The following STK4 variants were observed in gnomAD, a reference collection of about 807,000 sequenced individuals.
The protein encoded by STK4 is serine/threonine kinase 4.
STK4 carries 30 observed loss-of-function variants against 64.9 expected under a neutral mutation model. That is an observed-to-expected ratio of 0.46 (90% confidence interval 0.35 to 0.63). The LOEUF (loss-of-function observed/expected upper bound fraction) is 0.63. Ranked by LOEUF, STK4 falls within the 20% of genes least tolerant of loss-of-function variation. The pLI is 0.01. For missense variants in STK4, 466 were observed against 598.5 expected, an observed-to-expected ratio of 0.78 and a Z score of 2.31; for synonymous variants, 177 against 199.0, an observed-to-expected ratio of 0.89 and a Z score of 0.93.
intron 5 of STK4, among the ~76,000 whole-genome samples, chr20:44,990,838 T>C (rs754757907): frequency 3.3e-5 from 5 of 152,148 alleles, no homozygotes; most frequent in Non-Finnish European, 7.4e-5. Flanking sequence ...CCAGGCTTCC[T>C]ATTTGGATGT....
intron 10 of STK4, among the ~76,000 whole-genome samples, chr20:45,058,726 C>T (rs1978718109): frequency 6.6e-6 from 1 of 152,120 alleles, no homozygotes; most frequent in Non-Finnish European, 1.5e-5. Context: ...AGCTCTTTTC[C>T]TGAATTATTA....
At chr20:45,026,394 TAAG>T (rs1225449993) in intron 10 of STK4, among the ~76,000 whole-genome samples, 2 of 151,250 alleles carry the variant, frequency 1.3e-5, no homozygotes, top group South Asian at 2.1e-4. Flanking sequence ...TTCTCACTGG[TAAG>T]AAGATGAGGA....
chr20:45,024,370 T>A (rs2068306450), intron 9 of STK4, among the ~76,000 whole-genome samples: 3 of 152,022 alleles, frequency 2.0e-5, no homozygotes, highest in Admixed American at 2.0e-4. Flanking sequence ...TAATACTGTA[T>A]CCTATTTTTT....
intron 4 of STK4, among the ~76,000 whole-genome samples, chr20:44,984,484 G>A (rs1322846643): frequency 6.6e-6 from 1 of 152,082 alleles, no homozygotes; most frequent in Non-Finnish European, 1.5e-5. Context: ...TTACAGGCGT[G>A]AGCCACCGTT....
Position 44,966,611 on chromosome 20 carries a change from G to A in STK4, c.35+8G>A, listed in dbSNP as rs756662308. The A allele has an allele frequency of 1.6e-5, 21 of 1,274,308 alleles. No individual in the cohort carries two copies. Among genetic ancestry groups the A allele is most frequent in the South Asian group, 3.1e-5 (1 of 32,342 alleles). The allele number at this position is 1,274,308 out of a possible 1,614,324, so 78.9% of individuals were successfully genotyped here. ...GAGGAACCCGCCGCGCCGGTGAGGG[G>A]CCACTGGCTAAGAGGACGGGCATGG... On this transcript the variant is annotated splice_region_variant and intron_variant, in intron 1 of 10. Transcript: ENST00000372806.
At chr20:45,061,319 A>G (rs993155554) in intron 10 of STK4, among the ~76,000 whole-genome samples, 10 of 152,302 alleles carry the variant, frequency 6.6e-5, no homozygotes, top group African/African-American at 1.9e-4. Context: ...TTTGCTTTCC[A>G]TGGCTTCAGT....
At chr20:44,999,156 A>T (rs1036063661) in intron 7 of STK4, among the ~76,000 whole-genome samples, 2 of 152,172 alleles carry the variant, frequency 1.3e-5, no homozygotes, top group Non-Finnish European at 2.9e-5. Flanking sequence ...CACTAGCATG[A>T]AACTGATGTT....
chr20:45,011,729 A>ATATATATATATATATATATTTT (rs60170856), intron 9 of STK4, among the ~76,000 whole-genome samples: 24 of 115,376 alleles, frequency 2.1e-4, no homozygotes, highest in African/African-American at 8.4e-4. Context: ...ATATATATAT[A>ATATATATATATATATATATTTT]TTTTTTTTTT....
At chr20:45,009,364 C>G (rs961954261) in intron 9 of STK4, among the ~76,000 whole-genome samples, 1 of 152,108 alleles carries the variant, frequency 6.6e-6, no homozygotes, top group Non-Finnish European at 1.5e-5. Context: ...AGGTTTATTT[C>G]TGAGTTTCCT....
At chr20:44,996,534 T>C (rs533016491) in intron 6 of STK4, among the ~76,000 whole-genome samples, 35 of 152,354 alleles carry the variant, frequency 2.3e-4, no homozygotes, top group African/African-American at 8.2e-4. Flanking sequence ...AAGAATATAA[T>C]TTAAGCTGCT....
chr20:45,057,533 C>A (rs1412949017), intron 10 of STK4, among the ~76,000 whole-genome samples: 1 of 152,080 alleles, frequency 6.6e-6, no homozygotes, highest in African/African-American at 2.4e-5. Flanking sequence ...TCCCATGGGA[C>A]CTGTGTTATA....
intron 5 of STK4, among the ~76,000 whole-genome samples, chr20:44,991,407 A>G (rs6031919): frequency 0.018 from 2,708 of 152,284 alleles, 86 homozygotes; most frequent in African/African-American, 0.062. Context: ...AAATATGTGA[A>G]TGTATATTGG....
intron 10 of STK4, among the ~76,000 whole-genome samples, chr20:45,070,628 G>A (rs191691795): frequency 1.3e-5 from 2 of 152,288 alleles, no homozygotes; most frequent in East Asian, 1.9e-4. Flanking sequence ...GCTCACACCT[G>A]TAATCCCAGC....
intron 10 of STK4, among the ~76,000 whole-genome samples, chr20:45,032,192 A>G (rs542980539): frequency 1.8e-4 from 27 of 152,360 alleles, no homozygotes; most frequent in Middle Eastern, 3.4e-3. Context: ...ACACTGATAA[A>G]ACAGAAAATA....
chr20:44,987,826 A>G (rs757192552), intron 5 of STK4, among the ~76,000 whole-genome samples: 6 of 152,150 alleles, frequency 3.9e-5, no homozygotes, highest in African/African-American at 7.2e-5. Context: ...ACATAAGTAT[A>G]TATGAAAGTA....
intron 10 of STK4, among the ~76,000 whole-genome samples, chr20:45,045,872 T>C (rs2068686494): frequency 6.6e-6 from 1 of 152,028 alleles, no homozygotes; most frequent in Non-Finnish European, 1.5e-5. Context: ...AGTGGCCCAA[T>C]CTCGGCTCAC....
At chr20:45,048,332 G>A (rs1201248886) in intron 10 of STK4, among the ~76,000 whole-genome samples, 2 of 152,138 alleles carry the variant, frequency 1.3e-5, no homozygotes, top group African/African-American at 4.8e-5. Context: ...ACACAGAGTA[G>A]GCATTCAGTA....
chr20:45,062,786 C>A (rs1979161727), intron 10 of STK4, among the ~76,000 whole-genome samples: 1 of 151,464 alleles, frequency 6.6e-6, no homozygotes, highest in Admixed American at 6.6e-5. Flanking sequence ...CACGCCATTC[C>A]CCGGCCTCAG....
chr20:45,030,654 C>A lies in STK4; in HGVS notation c.1305+5524C>A, dbSNP rs540546131. On this transcript the variant is annotated intron_variant, in intron 10 of 10. Transcript: ENST00000372806. ...ATTGCCTGTTTGCCAAGTTGAGAAA[C>A]CCCTCCAAAAATTTCTAATAGTGTT... Among the ~76,000 whole-genome samples, 143 of 152,178 alleles carry A rather than the reference C, an allele frequency of 9.4e-4. 1 individual carries two copies. Among genetic ancestry groups the A allele is most frequent in the South Asian group, 4.8e-3 (23 of 4,820 alleles).
Sources: gnomAD v4.1 joint callset for allele counts (sites outside exome capture counted in the v4.1 genomes callset) on GRCh38, gnomAD v4.1.1 for gene constraint, MANE v1.5 for transcripts, NCBI Gene and HGNC (gene_info 2026-07-23, HGNC 2026-07-21) for gene names.